Variants in CFAP43 observed in about 807,000 individuals in gnomAD.
The protein encoded by CFAP43 is cilia and flagella associated protein 43, also known as cilia- and flagella-associated protein 43.
A neutral mutation model predicts 218.9 loss-of-function variants in CFAP43; 155 were observed. That is an observed-to-expected ratio of 0.71 (90% CI 0.62 to 0.81). The LOEUF (loss-of-function observed/expected upper bound fraction) is 0.81, where lower values mean the gene tolerates loss of function less well. CFAP43 is among the 30% of genes least tolerant of loss of function. The probability of loss-of-function intolerance (pLI) is 0.00; values close to 1 mark genes in which losing one functional copy is unlikely to be tolerated. For missense variants in CFAP43, 1,778 were observed against 1,954.3 expected (o/e 0.91, Z 1.70); for synonymous variants, 645 against 681.3 (o/e 0.95, Z 0.83).
chr10:104,225,616 A>G, intron 2 of CFAP43, 59 bp from the exon 3 acceptor site: 1 of 1,370,328 alleles, frequency 7.3e-7, no homozygotes, highest in East Asian at 2.6e-5. Flanking sequence ...TCAGTTAACT[A>G]TGGTCTTACA....
chr10:104,230,870 A>G (rs750926658), intron 1 of CFAP43, 27 bp from the exon 2 acceptor site: 3 of 1,555,370 alleles, frequency 1.9e-6, no homozygotes, highest in African/African-American at 2.8e-5. Context: ...GTCAACATCA[A>G]TATAATACAT....
chr10:104,225,584 T>C, intron 2 of CFAP43, 27 bp from the exon 3 acceptor site: 1 of 1,572,704 alleles, frequency 6.4e-7, no homozygotes, highest in Non-Finnish European at 8.7e-7. Flanking sequence ...ATTATCAGGA[T>C]TTGATTATGT....
intron 17 of CFAP43, among the ~76,000 whole-genome samples, chr10:104,181,838 G>C (rs1369071003): frequency 5.3e-5 from 8 of 152,096 alleles, no homozygotes; most frequent in African/African-American, 1.9e-4. Flanking sequence ...AATAGAACTT[G>C]TTACTATCTC....
chr10:104,201,401 C>G (rs377224950), intron 8 of CFAP43, among the ~76,000 whole-genome samples: 1 of 151,756 alleles, frequency 6.6e-6, no homozygotes, highest in Non-Finnish European at 1.5e-5. Flanking sequence ...TTTTCTTTCT[C>G]TTTTTTACCT....
chr10:104,209,521 A>G (rs761918434), intron 5 of CFAP43, among the ~76,000 whole-genome samples: 2 of 152,230 alleles, frequency 1.3e-5, no homozygotes, highest in Non-Finnish European at 1.5e-5. Context: ...TTTTAAAATA[A>G]TAACTCCACA....
At chr10:104,184,989 G>T in intron 16 of CFAP43, 27 bp downstream of exon 16, 1 of 1,611,812 alleles carries the variant, frequency 6.2e-7, no homozygotes, top group South Asian at 1.1e-5. Flanking sequence ...ATACTACATG[G>T]GGTTACTTAC....
Position 104,132,269 on chromosome 10 carries a change from A to C in CFAP43, c.4597-73T>G. 4 of 1,122,050 alleles carry C rather than the reference A, an allele frequency of 3.6e-6. No individual in the cohort carries two copies. In the Admixed American group the frequency reaches 9.6e-5, roughly 27 times the overall value. The allele number at this position is 1,122,050 out of a possible 1,614,324, so 69.5% of individuals were successfully genotyped here. A position where few individuals can be genotyped will look rare whatever the true frequency, so the allele number is the denominator to read the frequency against. ...TAGATGACTTTATAAAGGTTGTTTT[A>C]GCTTTGAAAGTTACTGTTTTTCATA... On this transcript the variant is annotated intron_variant, in intron 35 of 37. Coordinates refer to ENST00000357060, the MANE Select transcript of CFAP43 (RefSeq NM_025145.7).
In CFAP43 at chr10:104,218,523, G is replaced by C. The variant is rs1046224163; in HGVS notation, c.417-4097C>G. 1.4e-4 allele frequency among the ~76,000 whole-genome samples: 21 copies of C among 151,938 alleles called. 1 individual carries two copies. Among genetic ancestry groups the C allele is most frequent in the African/African-American group, 4.6e-4 (19 of 41,352 alleles). ...TGCTCTCTGAGGTTCTGATTTAACTGGCCGAGGGGAGAGGGGAAGAGTGGG... is the reference window on the plus strand; with the variant it reads ...TGCTCTCTGAGGTTCTGATTTAACTCGCCGAGGGGAGAGGGGAAGAGTGGG... On this transcript the variant is annotated intron_variant, in intron 3 of 37. Transcript: ENST00000357060.
In CFAP43 at chr10:104,164,221, C is replaced by T. The variant is rs200403983; in HGVS notation, c.3119G>A (p.Arg1040His). ...AATTCGAACATTTCTTTCCTTCACGCGTGCAATTTCAAACTCTTTTTGTTT... is the reference window on the plus strand; with the variant it reads ...AATTCGAACATTTCTTTCCTTCACGTGTGCAATTTCAAACTCTTTTTGTTT... ...AYKQKEFEIA[R>H]VKERNVRIRE... Residue 1040 changes from arginine (R) to histidine (H), a missense_variant, in exon 24 of 38, where the codon CGC becomes CAC. By Grantham distance (29) the Arg-to-His change is conservative. Around this residue, in one of 3 missense-constraint regions of CFAP43, gnomAD observed 1,553 missense variants for 1,685.2 expected, o/e 0.92. Coordinates refer to ENST00000357060, the MANE Select transcript of CFAP43 (RefSeq NM_025145.7). 1.7e-4 allele frequency: 274 copies of T among 1,613,758 alleles called. No homozygotes were observed. Among genetic ancestry groups the T allele is most frequent in the Middle Eastern group, 3.3e-4 (2 of 6,082 alleles).
At chr10:104,184,652 C>T (rs536121507) in intron 16 of CFAP43, among the ~76,000 whole-genome samples, 1 of 152,108 alleles carries the variant, frequency 6.6e-6, no homozygotes, top group African/African-American at 2.4e-5. Flanking sequence ...CCACCATTTC[C>T]CCACCCTAAT....
At chr10:104,203,496 A>G in intron 8 of CFAP43, 176 bp downstream of exon 8, 1 of 516,176 alleles carries the variant, frequency 1.9e-6, no homozygotes. Context: ...ACAAAAATAA[A>G]CCAATAGCTC....
rs112719925 is a variant in CFAP43, at chr10:104,182,517, T to C, written c.2142-4A>G. The C allele has an allele frequency of 2.6e-3, 3,999 of 1,566,778 alleles. 52 individuals carry two copies. In the African/African-American group the frequency reaches 0.037, roughly 15 times the overall value. On this transcript the variant is annotated splice_polypyrimidine_tract_variant and splice_region_variant and intron_variant, in intron 16 of 37. Coordinates refer to ENST00000357060, the MANE Select transcript of CFAP43 (RefSeq NM_025145.7). ...GGCTAGGTGTCCTCCAAATCGCCTA[T>C]ATTAATAAAAAAGAAAACACAGAGG...
In CFAP43 at chr10:104,179,933, C is replaced by T; in HGVS notation, c.2290-1G>A. On this transcript the variant is annotated splice_acceptor_variant, in intron 17 of 37. Coordinates refer to ENST00000357060, the MANE Select transcript of CFAP43 (RefSeq NM_025145.7). LOFTEE classifies it high-confidence loss of function. ...ATAAGTCAGTGCTTGCCTTCTGTTT[C>T]TGATACATGGTAGAAAAAGACAGAC... 1.2e-6 allele frequency: 2 copies of T among 1,611,482 alleles called. No individual in the cohort carries two copies. The highest frequency in any genetic ancestry group is 1.7e-6 in the Non-Finnish European group (2 of 1,178,500).
At position 104,230,782 on chromosome 10, in the gene CFAP43, G is replaced by A; in HGVS notation, c.127C>T (p.Pro43Ser). 1 of 1,613,854 alleles carries A rather than the reference G, an allele frequency of 6.2e-7. No individual in the cohort carries two copies. Among genetic ancestry groups the A allele is most frequent in the Non-Finnish European group, 8.5e-7 (1 of 1,179,950 alleles). Residue 43 changes from proline to serine, a missense_variant, in exon 2 of 38, where the codon CCT becomes TCT. By Grantham distance (74) the Pro-to-Ser change is moderately conservative (BLOSUM62 -1). This residue lies in a region of CFAP43 where 1,553 missense variants were observed against 1,685.2 expected (regional missense o/e 0.92). Transcript: ENST00000357060. ...HFVNDNTICY[P>S]CGNYVIFINI... ...ATAAATATTACATAATTCCCACAAG[G>A]GTAGCAAATGGTGTTGTCGTTGACA... is the stretch of plus-strand genomic sequence containing the variant.
At chr10:104,177,235 TA>T (rs968487334) in intron 19 of CFAP43, among the ~76,000 whole-genome samples, 10 of 147,072 alleles carry the variant, frequency 6.8e-5, no homozygotes, top group South Asian at 2.2e-4. Flanking sequence ...GAGAGAAACT[TA>T]AAAAAAAAAG....
intron 22 of CFAP43, among the ~76,000 whole-genome samples, chr10:104,167,032 A>G (rs1208327175): frequency 6.6e-6 from 1 of 152,198 alleles, no homozygotes; most frequent in African/African-American, 2.4e-5. Context: ...ATTAAGAAAT[A>G]TATATTCTCT....
At chr10:104,158,596 A>G (rs370162288) in intron 27 of CFAP43, among the ~76,000 whole-genome samples, 1 of 152,240 alleles carries the variant, frequency 6.6e-6, no homozygotes, top group South Asian at 2.1e-4. Flanking sequence ...GACTAAAAGA[A>G]CATTACAAAC....
intron 28 of CFAP43, 21 bp downstream of exon 28, chr10:104,152,586 A>G (rs374073498): frequency 1.9e-6 from 3 of 1,611,978 alleles, no homozygotes; most frequent in Admixed American, 3.4e-5. Flanking sequence ...TAAAAGTCAC[A>G]TAAGTAAAGC....
intron 6 of CFAP43, among the ~76,000 whole-genome samples, chr10:104,206,454 A>G (rs754233545): frequency 2.6e-5 from 4 of 152,250 alleles, no homozygotes; most frequent in Non-Finnish European, 5.9e-5. Context: ...ACTGGCTCAG[A>G]AAACTCATAC....
Sources: gnomAD v4.1 joint callset for allele counts (sites outside exome capture counted in the v4.1 genomes callset) on GRCh38, gnomAD v4.1.1 for gene constraint, gnomAD v4.1.1 regional missense constraint, MANE v1.5 for transcripts, NCBI Gene and HGNC (gene_info 2026-07-23, HGNC 2026-07-21) for gene names.